Variants in CYP4A22 observed in about 807,000 individuals in gnomAD.
The protein encoded by CYP4A22 is cytochrome P450 family 4 subfamily A member 22.
In CYP4A22, 46 loss-of-function variants were observed where a neutral mutation model predicts 56.2. The ratio of observed to expected loss-of-function variants is 0.82; its 90% CI spans 0.65 to 1.05. The LOEUF is 1.05. Among genes scored for constraint, CYP4A22 ranks in the 50% least tolerant of loss-of-function variants. The pLI, the probability that CYP4A22 is intolerant of heterozygous loss-of-function variation, is 0.00. For synonymous variants in CYP4A22, 193 were observed against 251.1 expected (o/e 0.77, Z 2.19); for missense variants, 541 against 645.9 (o/e 0.84, Z 1.76).
At chr1:47,141,704 C>G in intron 3 of CYP4A22, 89 bp downstream of exon 3, 1 of 1,505,262 alleles carries the variant, frequency 6.6e-7, no homozygotes, top group Non-Finnish European at 9.1e-7. Context: ...TTAGAGGCCA[C>G]CACTATCATG....
intron 1 of CYP4A22, among the ~76,000 whole-genome samples, chr1:47,138,680 G>A (rs962566844): frequency 2.6e-5 from 4 of 152,110 alleles, no homozygotes; most frequent in Non-Finnish European, 4.4e-5. Context: ...TTTTATGCAC[G>A]GCCCAAGATA....
Position 47,137,618 on chromosome 1 carries a change from C to A in CYP4A22, c.133C>A (p.Leu45Ile), listed in dbSNP as rs368458255. ...AQLYLHRQWLLKALQQFPCPP... is the reference protein window; with the variant it reads ...AQLYLHRQWLIKALQQFPCPP... ...GCTCTACCTGCATAGGCAGTGGCTG[C>A]TCAAAGCCCTCCAGCAGTTCCCGTG... The change falls in exon 1 of 12, where the codon CTC (leucine) becomes ATC (isoleucine). Residue 45 changes from leucine (L) to isoleucine (I), a missense_variant. This residue lies in a region of CYP4A22 where 335 missense variants were observed against 361.2 expected (regional missense o/e 0.93). Coordinates refer to ENST00000371891, the MANE Select transcript of CYP4A22 (RefSeq NM_001010969.4). 29 of 1,614,194 alleles carry A rather than the reference C, an allele frequency of 1.8e-5. No individual in the cohort carries two copies. In the Admixed American group the frequency reaches 4.8e-4, roughly 27 times the overall value.
In CYP4A22 at chr1:47,143,637, T is replaced by C. The variant is rs544611079; in HGVS notation, c.636-125T>C. The C allele has an allele frequency of 4.3e-4, 599 of 1,380,516 alleles. No individual in the cohort carries two copies. The African/African-American group carries it at 7.1e-3, about 16-fold the overall frequency. 85.5% of individuals were successfully genotyped at this position (1,380,516 alleles called of 1,614,324 possible). ...GCCAAAGGATAATAGGGCTGTAAGA[T>C]AGAAGAAACATTGCCTCAAGGCTGC... is the stretch of plus-strand genomic sequence containing the variant. On this transcript the variant is annotated intron_variant, in intron 5 of 11. Transcript: ENST00000371891.
At chr1:47,139,289 G>A (rs1449584087) in intron 1 of CYP4A22, among the ~76,000 whole-genome samples, 1 of 152,218 alleles carries the variant, frequency 6.6e-6, no homozygotes, top group Non-Finnish European at 1.5e-5. Context: ...AGAGGCCAGA[G>A]CAGTGTTAAC....
intron 11 of CYP4A22, chr1:47,146,366 G>A: frequency 2.1e-6 from 3 of 1,420,880 alleles, no homozygotes; most frequent in Non-Finnish European, 2.8e-6. Context: ...TGCTCCCTCT[G>A]CTTCTTCAAA....
chr1:47,146,628 A>C, intron 11 of CYP4A22: 1 of 1,010,808 alleles, frequency 9.9e-7, no homozygotes, highest in Non-Finnish European at 1.2e-6. Context: ...AAATCTTTGC[A>C]TCTGTTTATA....
At chr1:47,141,514 T>G in intron 2 of CYP4A22, 57 bp from the exon 3 acceptor site, 45 of 1,586,814 alleles carry the variant, frequency 2.8e-5, no homozygotes, top group Non-Finnish European at 3.6e-5. Flanking sequence ...ATGCTGCCTC[T>G]GAGACTGCCT....
intron 1 of CYP4A22, among the ~76,000 whole-genome samples, chr1:47,140,402 T>A (rs937360916): frequency 6.6e-6 from 1 of 152,260 alleles, no homozygotes; most frequent in African/African-American, 2.4e-5. Flanking sequence ...AATTATTGTG[T>A]AATTTAAAAT....
In CYP4A22 at chr1:47,143,874, C is replaced by A; in HGVS notation, c.748C>A (p.Arg250Ser). ...DTIYSLTSAG[R>S]WTHRACQLAH... ...CATCTACAGCCTGACCTCTGCTGGC[C>A]GCTGGACACACCGCGCCTGCCAGCT... The change falls in exon 6 of 12, where the codon CGC becomes AGC. Residue 250 changes from arginine to serine, a missense_variant. By Grantham distance (110) the Arg-to-Ser change is moderately radical. Coordinates refer to ENST00000371891, the MANE Select transcript of CYP4A22 (RefSeq NM_001010969.4). The A allele has an allele frequency of 6.2e-7, 1 of 1,614,012 alleles. No individual in the cohort carries two copies. Among genetic ancestry groups the A allele is most frequent in the South Asian group, 1.1e-5 (1 of 91,056 alleles).
At chr1:47,140,754 G>A in intron 1 of CYP4A22, 26 bp from the exon 2 acceptor site, 5 of 1,613,320 alleles carry the variant, frequency 3.1e-6, no homozygotes, top group Non-Finnish European at 4.2e-6. Flanking sequence ...AAATGAAAGT[G>A]TTCATCTGTC....
At position 47,148,886 on chromosome 1, in the gene CYP4A22, C is replaced by T; in HGVS notation, c.*89C>T. 2.1e-6 allele frequency: 3 copies of T among 1,451,660 alleles called. No homozygotes were observed. Among genetic ancestry groups the T allele is most frequent in the Non-Finnish European group, 2.8e-6 (3 of 1,090,822 alleles). The allele number at this position is 1,451,660 out of a possible 1,614,324, so 89.9% of individuals were successfully genotyped here. A position where few individuals can be genotyped will look rare whatever the true frequency, so the allele number is the denominator to read the frequency against. ...TCCTGCTTTCTGTCTGCCCACCTTC[C>T]CTTCTTCCCACCTGCCTGCTGTCCC... On this transcript the variant is annotated 3_prime_UTR_variant, in exon 12 of 12. Coordinates refer to ENST00000371891, the MANE Select transcript of CYP4A22 (RefSeq NM_001010969.4).
Position 47,144,476 on chromosome 1 carries a change from A to G in CYP4A22, c.897+13A>G, listed in dbSNP as rs1645051640. On this transcript the variant is annotated intron_variant, in intron 7 of 11. Coordinates refer to ENST00000371891, the MANE Select transcript of CYP4A22 (RefSeq NM_001010969.4). Reference sequence around the variant, plus strand: ...CCTCTTGGCCAAAGTGAGTATGTGTAGGAGAGGCCTGAGTCTTTGCCCAGA... The same window carrying G: ...CCTCTTGGCCAAAGTGAGTATGTGTGGGAGAGGCCTGAGTCTTTGCCCAGA... 1 of 1,614,014 alleles carries G rather than the reference A, an allele frequency of 6.2e-7. No individual in the cohort carries two copies. The highest frequency in any genetic ancestry group is 8.5e-7 in the Non-Finnish European group (1 of 1,179,858).
rs1249276572 is a variant in CYP4A22, at chr1:47,142,080, C to T, written c.383-28C>T. 7 of 1,605,894 alleles carry T rather than the reference C, an allele frequency of 4.4e-6. No homozygotes were observed. The South Asian group carries it at 7.8e-5, about 18-fold the overall frequency. ...AGGTCCGTGCAGCCTCTGATACACA[C>T]ACATACACATATTCGTGTCTACCTT... On this transcript the variant is annotated intron_variant, in intron 3 of 11. Coordinates refer to ENST00000371891, the MANE Select transcript of CYP4A22 (RefSeq NM_001010969.4).
In CYP4A22 at chr1:47,148,729, T is replaced by C. The variant is rs761201440; in HGVS notation, c.1492T>C (p.Ser498Pro). 13 of 1,613,852 alleles carry C rather than the reference T, an allele frequency of 8.1e-6. No homozygotes were observed. The South Asian group carries it at 1.4e-4, about 18-fold the overall frequency. The part of the protein sequence containing the change: ...PIPMARLVLK[S>P]KNGIHLRLRR... ...CCCCATGGCACGACTTGTGTTGAAA[T>C]CCAAAAATGGAATCCACCTGCGTCT... The change falls in exon 12 of 12, where the codon TCC (serine) becomes CCC (proline). Residue 498 changes from serine (S) to proline (P), a missense_variant. By Grantham distance (74) the Ser-to-Pro change is moderately conservative (BLOSUM62 -1). This residue lies in a region of CYP4A22 where 204 missense variants were observed against 258.9 expected (regional missense o/e 0.79). Transcript: ENST00000371891.
chr1:47,147,787 G>A (rs534954797), intron 11 of CYP4A22, among the ~76,000 whole-genome samples: 1 of 152,280 alleles, frequency 6.6e-6, no homozygotes, highest in East Asian at 1.9e-4. Context: ...TAAAATGTGG[G>A]TGAGGCAAGA....
rs1569803268 is a variant in CYP4A22 at position 47,142,101 on chromosome 1, A to C, written c.383-7A>C. ...CACACACATACACATATTCGTGTCT[A>C]CCTTAGGGTACGGCTTGCTCCTGTT... On this transcript the variant is annotated splice_polypyrimidine_tract_variant and splice_region_variant and intron_variant, in intron 3 of 11. Transcript: ENST00000371891. 1 of 1,611,734 alleles carries C rather than the reference A, an allele frequency of 6.2e-7. No homozygotes were observed. The highest frequency in any genetic ancestry group is 2.2e-5 in the East Asian group (1 of 44,862).
At chr1:47,147,430 G>A in intron 11 of CYP4A22, 1 of 984,974 alleles carries the variant, frequency 1.0e-6, no homozygotes, top group Non-Finnish European at 1.2e-6. Flanking sequence ...CAAGTCCTAT[G>A]CAGCATGATG....
At position 47,143,814 on chromosome 1, in the gene CYP4A22, T is replaced by G. The variant is rs1389725991; in HGVS notation, c.688T>G (p.Cys230Gly). ...TAGTGACCTGAACAGCCTGGTTTTT[T>G]GCTGTATGAGGAATGCCTTTCATGA... The part of the protein sequence containing the change: ...AISDLNSLVF[C>G]CMRNAFHEND... The change falls in exon 6 of 12, where the codon TGC becomes GGC. Residue 230 changes from cysteine to glycine, a missense_variant. Coordinates refer to ENST00000371891, the MANE Select transcript of CYP4A22 (RefSeq NM_001010969.4). 1 of 1,614,034 alleles carries G rather than the reference T, an allele frequency of 6.2e-7. No individual in the cohort carries two copies. The highest frequency in any genetic ancestry group is 1.3e-5 in the African/African-American group (1 of 74,942).
Position 47,140,895 on chromosome 1 carries a change from A to T in CYP4A22, c.311A>T (p.Tyr104Phe), listed in dbSNP as rs61507155. The T allele has an allele frequency of 3.5e-3, 5,708 of 1,614,086 alleles. 159 individuals are homozygous for T. The African/African-American group carries it at 0.066, about 19-fold the overall frequency. Reference protein sequence around the residue: ...KVRVQLYDPDYMKVILGRSDP... With the variant: ...KVRVQLYDPDFMKVILGRSDP... ...CGTGTCCAGCTCTATGACCCTGACT[A>T]TATGAAGGTGATTCTGGGGAGATCA... Residue 104 changes from tyrosine to phenylalanine, a missense_variant, in exon 2 of 12, where the codon TAT (tyrosine) becomes TTT (phenylalanine). By Grantham distance (22) the Tyr-to-Phe change is conservative. This residue lies in a region of CYP4A22 where 335 missense variants were observed against 361.2 expected (regional missense o/e 0.93). Transcript: ENST00000371891.
Sources: gnomAD v4.1 joint callset for allele counts (sites outside exome capture counted in the v4.1 genomes callset) on GRCh38, gnomAD v4.1.1 for gene constraint, gnomAD v4.1.1 regional missense constraint, MANE v1.5 for transcripts, NCBI Gene and HGNC (gene_info 2026-07-23, HGNC 2026-07-21) for gene names.